Variants in PLXDC2 observed in about 807,000 individuals in gnomAD.
PLXDC2 encodes plexin domain containing 2.
A neutral mutation model predicts 68.9 loss-of-function variants in PLXDC2; 40 were observed. That is an observed-to-expected ratio of 0.58 (90% confidence interval 0.45 to 0.76). PLXDC2 has a LOEUF of 0.76. Among genes scored for constraint, PLXDC2 ranks in the 30% least tolerant of loss-of-function variants. The pLI is 0.00. For missense variants in PLXDC2, 644 were observed against 661.9 expected, an observed-to-expected ratio of 0.97 and a Z score of 0.30; for synonymous variants, 243 against 234.2, an observed-to-expected ratio of 1.04 and a Z score of -0.34.
chr10:19,878,463 T>C (rs950032648), intron 1 of PLXDC2, among the ~76,000 whole-genome samples: 5 of 152,194 alleles, frequency 3.3e-5, no homozygotes, highest in Admixed American at 3.3e-4. Context: ...GGTTGCAAAT[T>C]CCATTAGTAA....
At chr10:20,212,292 T>C (rs1434424330) in intron 10 of PLXDC2, among the ~76,000 whole-genome samples, 1 of 152,130 alleles carries the variant, frequency 6.6e-6, no homozygotes, top group Non-Finnish European at 1.5e-5. Flanking sequence ...AGCAAATTGA[T>C]GTGCTGTAAT....
intron 2 of PLXDC2, among the ~76,000 whole-genome samples, chr10:20,030,035 C>T (rs1279830572): frequency 3.9e-5 from 6 of 151,966 alleles, no homozygotes; most frequent in Non-Finnish European, 8.8e-5. Flanking sequence ...TTCCTCTATG[C>T]CAAATGAAGG....
At chr10:20,090,469 C>T (rs200691340) in intron 4 of PLXDC2, among the ~76,000 whole-genome samples, 1 of 28,626 alleles carries the variant, frequency 3.5e-5, no homozygotes, top group Non-Finnish European at 5.3e-5. Flanking sequence ...AGTTTTTTTA[C>T]CCCCATGCCC....
intron 4 of PLXDC2, among the ~76,000 whole-genome samples, chr10:20,082,617 C>T (rs997614186): frequency 6.6e-6 from 1 of 152,160 alleles, no homozygotes; most frequent in African/African-American, 2.4e-5. Flanking sequence ...TAAAGAAACT[C>T]TCAAGCTTTG....
intron 1 of PLXDC2, among the ~76,000 whole-genome samples, chr10:19,841,450 A>G (rs1427599391): frequency 1.3e-5 from 2 of 152,062 alleles, no homozygotes; most frequent in Non-Finnish European, 2.9e-5. Context: ...GATATTTTAG[A>G]AGATACAAAA....
chr10:20,253,135 C>T lies in PLXDC2; in HGVS notation c.1473+7630C>T, dbSNP rs916535852. ...ATCCCAGAACATTGGGAGACCGAGA[C>T]GGGAGGGTCCTTTGAAATCAGGAGT... On this transcript the variant is annotated intron_variant, in intron 13 of 13. Transcript: ENST00000377252. Among the ~76,000 whole-genome samples, 6 of 151,874 alleles carry T rather than the reference C, an allele frequency of 4.0e-5. No individual in the cohort carries two copies. The South Asian group carries it at 6.2e-4, about 16-fold the overall frequency.
chr10:20,124,311 T>TGGAAAGGAGAAAG (rs1833741193), intron 4 of PLXDC2, among the ~76,000 whole-genome samples: 1 of 151,828 alleles, frequency 6.6e-6, no homozygotes, highest in Admixed American at 6.6e-5. Flanking sequence ...AAGGGAGAGA[T>TGGAAAGGAGAAAG]TGAAGAGTGG....
intron 4 of PLXDC2, among the ~76,000 whole-genome samples, chr10:20,090,577 A>G (rs533704182): frequency 2.3e-4 from 35 of 152,260 alleles, no homozygotes; most frequent in African/African-American, 8.4e-4. Flanking sequence ...CATAAATATA[A>G]TATTTAAGGT....
At chr10:19,878,802 C>T (rs984115083) in intron 1 of PLXDC2, among the ~76,000 whole-genome samples, 8 of 152,112 alleles carry the variant, frequency 5.3e-5, no homozygotes, top group African/African-American at 1.9e-4. Flanking sequence ...TGTCATCTCC[C>T]ACATATTAGA....
At chr10:20,233,291 T>C (rs1835389069) in intron 12 of PLXDC2, among the ~76,000 whole-genome samples, 1 of 151,594 alleles carries the variant, frequency 6.6e-6, no homozygotes, top group African/African-American at 2.4e-5. Context: ...TTAGTGAAGC[T>C]GAGGCGAGAG....
intron 1 of PLXDC2, among the ~76,000 whole-genome samples, chr10:19,879,759 G>A (rs529737760): frequency 6.6e-6 from 1 of 152,314 alleles, no homozygotes; most frequent in East Asian, 1.9e-4. Flanking sequence ...TTGGAACTCA[G>A]TGGGTAATTC....
At chr10:20,036,366 C>T (rs527684300) in intron 2 of PLXDC2, among the ~76,000 whole-genome samples, 2 of 152,284 alleles carry the variant, frequency 1.3e-5, no homozygotes, top group African/African-American at 4.8e-5. Flanking sequence ...CCTTTACAAG[C>T]CAGGAGGAGA....
rs777499298 is a variant in PLXDC2, at chr10:20,001,824, G to A, written c.162G>A (p.Val54=). 1.2e-6 allele frequency: 2 copies of A among 1,614,076 alleles called. No homozygotes were observed. Among genetic ancestry groups the A allele is most frequent in the South Asian group, 2.2e-5 (2 of 91,086 alleles). Reference sequence around the variant, plus strand: ...CCTTCCCTCACACAGAGGAGGAGGTGGAAGTTGATTCACACGCGTACAGCC... The same window carrying A: ...CCTTCCCTCACACAGAGGAGGAGGTAGAAGTTGATTCACACGCGTACAGCC... The part of the protein sequence containing the change: ...TQAFPHTEEE[V]EVDSHAYSHR... The change falls in exon 2 of 14, where the codon GTG becomes GTA. Residue 54 remains valine (V), a synonymous_variant. Coordinates refer to ENST00000377252, the MANE Select transcript of PLXDC2 (RefSeq NM_032812.9).
chr10:20,006,020 T>C (rs1285295592), intron 2 of PLXDC2, among the ~76,000 whole-genome samples: 2 of 151,978 alleles, frequency 1.3e-5, no homozygotes, highest in African/African-American at 2.4e-5. Flanking sequence ...TGAAACGTCA[T>C]CTCTACTAAA....
chr10:19,861,915 T>G (rs533465668), intron 1 of PLXDC2, among the ~76,000 whole-genome samples: 1 of 152,324 alleles, frequency 6.6e-6, no homozygotes, highest in African/African-American at 2.4e-5. Context: ...GAAGGTGTTA[T>G]TTGTGGGCTA....
intron 1 of PLXDC2, among the ~76,000 whole-genome samples, chr10:19,849,332 A>G (rs1235250793): frequency 6.6e-6 from 1 of 151,676 alleles, no homozygotes; most frequent in African/African-American, 2.4e-5. Flanking sequence ...ACACATACAC[A>G]CACAAGTCAC....
rs1003156002 is a variant in PLXDC2 at position 20,289,662 on chromosome 10, C to G, written c.*9843C>G. 6.6e-6 allele frequency: 1 copy of G among 152,244 alleles called. No homozygotes were observed. Among genetic ancestry groups the G allele is most frequent in the Admixed American group, 6.5e-5 (1 of 15,278 alleles). The allele number at this position is 152,244 out of a possible 1,614,324, so 9.4% of individuals were successfully genotyped here. On this transcript the variant is annotated 3_prime_UTR_variant, in exon 14 of 14. Transcript: ENST00000377252. ...CCTTTATAACAACACCGAGTACGCA[C>G]AGACCTGAACCCATGCCCAAGAAGC... is the stretch of plus-strand genomic sequence containing the variant.
At chr10:20,229,484 T>G (rs759119859) in intron 12 of PLXDC2, among the ~76,000 whole-genome samples, 18 of 144,216 alleles carry the variant, frequency 1.2e-4, no homozygotes, top group Non-Finnish European at 2.7e-4. Context: ...TAGCCATGCG[T>G]ATTACTCACG....
At chr10:19,922,647 C>T (rs1252947369) in intron 1 of PLXDC2, among the ~76,000 whole-genome samples, 1 of 152,134 alleles carries the variant, frequency 6.6e-6, no homozygotes, top group African/African-American at 2.4e-5. Flanking sequence ...TTGTATGGAA[C>T]TCAAGAAGAA....
Sources: gnomAD v4.1 joint callset for allele counts (sites outside exome capture counted in the v4.1 genomes callset) on GRCh38, gnomAD v4.1.1 for gene constraint, MANE v1.5 for transcripts, NCBI Gene and HGNC (gene_info 2026-07-23, HGNC 2026-07-21) for gene names.